SCRT2: variants seen among roughly 807,000 people sequenced by gnomAD.
SCRT2 encodes transcriptional repressor scratch 2.
A neutral mutation model predicts 3.7 loss-of-function variants in SCRT2; 2 were observed. That is an observed-to-expected ratio of 0.54 (90% CI 0.22 to 1.70). SCRT2 has a LOEUF of 1.70. Ranked by LOEUF, SCRT2 falls within the 40% of genes most tolerant of loss-of-function variation. The pLI, the probability that SCRT2 is intolerant of heterozygous loss-of-function variation, is 0.19. For missense variants in SCRT2, 456 were observed against 468.5 expected, an observed-to-expected ratio of 0.97 and a Z score of 0.25; for synonymous variants, 256 against 220.6, an observed-to-expected ratio of 1.16 and a Z score of -1.42.
At chr20:672,651 A>G (rs1027259867) in intron 1 of SCRT2, among the ~76,000 whole-genome samples, 15 of 145,608 alleles carry the variant, frequency 1.0e-4, no homozygotes, top group African/African-American at 3.8e-4. Context: ...CTGCAGCCCG[A>G]GCTGCAGGAA....
Position 661,720 on chromosome 20 carries a change from A to T in SCRT2, c.*1951T>A, listed in dbSNP as rs950625031. 3 of 152,700 alleles carry T rather than the reference A, an allele frequency of 2.0e-5. No homozygotes were observed. The highest frequency in any genetic ancestry group is 7.2e-5 in the African/African-American group (3 of 41,456). 9.5% of individuals were successfully genotyped at this position (152,700 alleles called of 1,614,324 possible). ...CGGAGGAGGAGCGCCAAGCGCTCAT[A>T]CAAAATATGGCCAAAAGGCTTAGCA... On this transcript the variant is annotated 3_prime_UTR_variant, in exon 2 of 2. Transcript: ENST00000246104.
At chr20:668,251 C>T (rs1478134628) in intron 1 of SCRT2, among the ~76,000 whole-genome samples, 1 of 152,140 alleles carries the variant, frequency 6.6e-6, no homozygotes, top group Admixed American at 6.5e-5. Context: ...GTGTCTTAGG[C>T]TGCTGTGTGA....
intron 1 of SCRT2, among the ~76,000 whole-genome samples, chr20:671,679 C>T (rs985252417): frequency 6.6e-6 from 1 of 152,202 alleles, no homozygotes; most frequent in African/African-American, 2.4e-5. Context: ...ATGTGGTCAG[C>T]TAGATAAGCC....
chr20:668,695 C>T (rs1203830728), intron 1 of SCRT2, among the ~76,000 whole-genome samples: 1 of 152,164 alleles, frequency 6.6e-6, no homozygotes, highest in Non-Finnish European at 1.5e-5. Flanking sequence ...GTTTTCCCTG[C>T]CCAAGAGTCT....
rs573633621 is a variant in SCRT2 at position 675,305 on chromosome 20, C to T, written c.133+164G>A. On this transcript the variant is annotated intron_variant, in intron 1 of 1. Coordinates refer to ENST00000246104, the MANE Select transcript of SCRT2 (RefSeq NM_033129.4). The surrounding 1 kb of genome is among the most constrained non-coding windows in gnomAD (Gnocchi z 6.9). ...CCTTTGTACGACCTAGCCCCTGCCC[C>T]GCCCGCACGGCCCTTGGAAAGCCCG... 6.6e-6 allele frequency among the ~76,000 whole-genome samples: 1 copy of T among 152,238 alleles called. No homozygotes were observed. The highest frequency in any genetic ancestry group is 2.1e-4 in the South Asian group (1 of 4,826).
chr20:672,969 G>C (rs528568743), intron 1 of SCRT2, among the ~76,000 whole-genome samples: 1 of 151,924 alleles, frequency 6.6e-6, no homozygotes, highest in Non-Finnish European at 1.5e-5. Context: ...CCCTCCACCC[G>C]CCCAGGGAAT....
At chr20:674,190 A>T (rs73572856) in intron 1 of SCRT2, among the ~76,000 whole-genome samples, 1 of 149,822 alleles carries the variant, frequency 6.7e-6, no homozygotes, top group Admixed American at 6.6e-5. Context: ...TTTGCCCAGC[A>T]CTCTCTCTCT....
rs532286844 is a variant in SCRT2, at chr20:664,329, G to A, written c.266C>T (p.Ser89Leu). 1.3e-6 allele frequency: 2 copies of A among 1,502,454 alleles called. No individual in the cohort carries two copies. The highest frequency in any genetic ancestry group is 2.7e-5 in the East Asian group (1 of 37,396). 93.1% of individuals were successfully genotyped at this position (1,502,454 alleles called of 1,614,324 possible). A position where few individuals can be genotyped will look rare whatever the true frequency, so the allele number is the denominator to read the frequency against. Residue 89 changes from serine (S) to leucine (L), a missense_variant, in exon 2 of 2, where the codon TCG (serine) becomes TTG (leucine). Physicochemically the swap from Ser to Leu is moderately radical, Grantham distance 145. Around this residue, in one of 3 missense-constraint regions of SCRT2, gnomAD observed 306 missense variants for 305.3 expected, o/e 1.00. Coordinates refer to ENST00000246104, the MANE Select transcript of SCRT2 (RefSeq NM_033129.4). This position sits in a 1 kb window ranked among gnomAD's most constrained non-coding sequence, Gnocchi z 7.9. Reference protein sequence around the residue: ...EEYSDPESPQSSLSARYFRGE... With the variant: ...EEYSDPESPQLSLSARYFRGE... Reference sequence around the variant, plus strand: ...TCGGAAGTAGCGCGCCGACAGGCTCGACTGCGGGCTTTCGGGGTCGCTGTA... The same window carrying A: ...TCGGAAGTAGCGCGCCGACAGGCTCAACTGCGGGCTTTCGGGGTCGCTGTA...
At chr20:668,202 T>C (rs772635623) in intron 1 of SCRT2, among the ~76,000 whole-genome samples, 5 of 152,146 alleles carry the variant, frequency 3.3e-5, no homozygotes, top group Non-Finnish European at 7.3e-5. Flanking sequence ...CCTGGTGATA[T>C]ATCCTTCTAA....
chr20:663,719 G>A lies in SCRT2; in HGVS notation c.876C>T (p.Ala292=). The change falls in exon 2 of 2, where the codon GCC becomes GCT. Residue 292 remains alanine (A), a synonymous_variant. Transcript: ENST00000246104. This position sits in a 1 kb window ranked among gnomAD's most constrained non-coding sequence, Gnocchi z 6.9. ...TCGGCGGGGGTGGCTCGGCCGCCTT[G>A]GCGCAGGCCGCCTCGCAGTGCTTGT... ...YLHKHCEAAC[A]KAAEPPPPTP... is the part of the protein sequence containing the mutation. 1.3e-6 allele frequency: 2 copies of A among 1,534,498 alleles called. No individual in the cohort carries two copies. Among genetic ancestry groups the A allele is most frequent in the Non-Finnish European group, 8.7e-7 (1 of 1,143,454 alleles).
At position 665,079 on chromosome 20, in the gene SCRT2, C is replaced by T. The variant is rs1212964125; in HGVS notation, c.134-618G>A. Among the ~76,000 whole-genome samples, 2 of 152,118 alleles carry T rather than the reference C, an allele frequency of 1.3e-5. No individual in the cohort carries two copies. The highest frequency in any genetic ancestry group is 2.9e-5 in the Non-Finnish European group (2 of 68,020). ...CATGTTAACTCTAATCGTCACAGACCCAAGGAAGTCGGCACTATTGTAATC... is the reference window on the plus strand; with the variant it reads ...CATGTTAACTCTAATCGTCACAGACTCAAGGAAGTCGGCACTATTGTAATC... On this transcript the variant is annotated intron_variant, in intron 1 of 1. Coordinates refer to ENST00000246104, the MANE Select transcript of SCRT2 (RefSeq NM_033129.4). The surrounding 1 kb of genome is among the most constrained non-coding windows in gnomAD (Gnocchi z 5.0).
rs898255837 is a variant in SCRT2, at chr20:664,385, C to T, written c.210G>A (p.Glu70=). 14 of 1,418,922 alleles carry T rather than the reference C, an allele frequency of 9.9e-6. No homozygotes were observed. Among genetic ancestry groups the T allele is most frequent in the Non-Finnish European group, 1.0e-5 (11 of 1,073,400 alleles). 87.9% of individuals were successfully genotyped at this position (1,418,922 alleles called of 1,614,324 possible). The change falls in exon 2 of 2, where the codon GAG becomes GAA. Residue 70 remains glutamate, a synonymous_variant. Coordinates refer to ENST00000246104, the MANE Select transcript of SCRT2 (RefSeq NM_033129.4). The surrounding 1 kb of genome is among the most constrained non-coding windows in gnomAD (Gnocchi z 7.9). ...QKPGLELAPA[E]PAYPPAAPEE... ...CCGGCGCCGCCGGCGGGTACGCGGG[C>T]TCGGCCGGGGCCAGCTCCAGGCCCG...
At chr20:671,585 G>A (rs1228324929) in intron 1 of SCRT2, among the ~76,000 whole-genome samples, 1 of 152,248 alleles carries the variant, frequency 6.6e-6, no homozygotes, top group Admixed American at 6.5e-5. Context: ...GGCAGCTGGG[G>A]ACATTGGGCC....
At position 665,897 on chromosome 20, in the gene SCRT2, G is replaced by T. The variant is rs538515182; in HGVS notation, c.134-1436C>A. ...AAGTGAGCAGGTGGAGGAGGGTTTT[G>T]TAAGGGGAAACAGGGTTCAAGATGT... On this transcript the variant is annotated intron_variant, in intron 1 of 1. Coordinates refer to ENST00000246104, the MANE Select transcript of SCRT2 (RefSeq NM_033129.4). This position sits in a 1 kb window ranked among gnomAD's most constrained non-coding sequence, Gnocchi z 5.0. Among the ~76,000 whole-genome samples, 35 of 152,260 alleles carry T rather than the reference G, an allele frequency of 2.3e-4. 1 individual carries two copies. The South Asian group carries it at 6.8e-3, about 30-fold the overall frequency.
Position 663,760 on chromosome 20 carries a change from G to C in SCRT2, c.835C>G (p.Leu279Val). The C allele has an allele frequency of 5.1e-6, 8 of 1,580,370 alleles. No individual in the cohort carries two copies. The highest frequency in any genetic ancestry group is 6.0e-6 in the Non-Finnish European group (7 of 1,165,606). ...RCRQCDKSFA[L>V]KSYLHKHCEA... ...CAGTGCTTGTGGAGGTAGGACTTGAGCGCGAAGCTCTTGTCGCACTGGCGG... is the reference window on the plus strand; with the variant it reads ...CAGTGCTTGTGGAGGTAGGACTTGACCGCGAAGCTCTTGTCGCACTGGCGG... The change falls in exon 2 of 2, where the codon CTC (leucine) becomes GTC (valine). Residue 279 changes from leucine to valine, a missense_variant. Around this residue, in one of 3 missense-constraint regions of SCRT2, gnomAD observed 144 missense variants for 141.9 expected, o/e 1.01. Transcript: ENST00000246104. This position sits in a 1 kb window ranked among gnomAD's most constrained non-coding sequence, Gnocchi z 6.9.
chr20:672,425 G>GCT (rs1984368840), intron 1 of SCRT2, among the ~76,000 whole-genome samples: 1 of 151,154 alleles, frequency 6.6e-6, no homozygotes, highest in Non-Finnish European at 1.5e-5. Context: ...GTGTGTGTGC[G>GCT]CGCGTGCGTG....
intron 1 of SCRT2, among the ~76,000 whole-genome samples, chr20:669,568 C>T (rs996620952): frequency 6.6e-6 from 1 of 152,208 alleles, no homozygotes; most frequent in Non-Finnish European, 1.5e-5. Context: ...GGGCCAGCTT[C>T]CCCGGCGGCC....
chr20:664,479 T>C lies in SCRT2; in HGVS notation c.134-18A>G. ...GGCGTACCCTGGAGGGGGCGAGAAGTGGAGGGGCGGTGAGAGGAGGCGCCG... is the reference window on the plus strand; with the variant it reads ...GGCGTACCCTGGAGGGGGCGAGAAGCGGAGGGGCGGTGAGAGGAGGCGCCG... On this transcript the variant is annotated intron_variant, in intron 1 of 1. Transcript: ENST00000246104. This position sits in a 1 kb window ranked among gnomAD's most constrained non-coding sequence, Gnocchi z 7.9. 1 of 1,237,824 alleles carries C rather than the reference T, an allele frequency of 8.1e-7. No individual in the cohort carries two copies. The highest frequency in any genetic ancestry group is 1.0e-6 in the Non-Finnish European group (1 of 986,926). 76.7% of individuals were successfully genotyped at this position (1,237,824 alleles called of 1,614,324 possible).
chr20:674,194 T>A (rs987264777), intron 1 of SCRT2, among the ~76,000 whole-genome samples: 1 of 152,070 alleles, frequency 6.6e-6, no homozygotes, highest in African/African-American at 2.4e-5. Context: ...CCCAGCACTC[T>A]CTCTCTCTCT....
Sources: gnomAD v4.1 joint callset for allele counts (sites outside exome capture counted in the v4.1 genomes callset) on GRCh38, gnomAD v4.1.1 for gene constraint, gnomAD v4.1.1 regional missense constraint, Gnocchi (gnomAD v3.1) non-coding constraint, MANE v1.5 for transcripts, NCBI Gene and HGNC (gene_info 2026-07-23, HGNC 2026-07-21) for gene names.